RYR1: variants seen among roughly 807,000 people sequenced by gnomAD.
RYR1 encodes the protein central core disease of muscle.
RYR1 carries 342 observed loss-of-function variants against 583.5 expected under a neutral mutation model. That is an observed-to-expected ratio of 0.59 (90% CI 0.54 to 0.64). The LOEUF is 0.64. Ranked by LOEUF, RYR1 falls within the 30% of genes least tolerant of loss-of-function variation. The pLI is 0.00. For synonymous variants in RYR1, 2,791 were observed against 2,822.5 expected, an observed-to-expected ratio of 0.99 and a Z score of 0.35; for missense variants, 6,032 against 6,917.2, an observed-to-expected ratio of 0.87 and a Z score of 4.54.
At chr19:38,493,973 G>A (rs936701987) in intron 38 of RYR1, among the ~76,000 whole-genome samples, 4 of 152,134 alleles carry the variant, frequency 2.6e-5, no homozygotes, top group Non-Finnish European at 5.9e-5. Flanking sequence ...CTGGATATTA[G>A]GGTGAACAGA....
At chr19:38,518,680 G>A (rs537366108) in intron 66 of RYR1, among the ~76,000 whole-genome samples, 5 of 152,176 alleles carry the variant, frequency 3.3e-5, no homozygotes, top group Non-Finnish European at 1.5e-5. Context: ...TGTAATCCCA[G>A]CACTATGGGA....
At position 38,502,669 on chromosome 19, in the gene RYR1, C is replaced by G. The variant is rs756685891; in HGVS notation, c.7777C>G (p.Arg2593Gly). 3.7e-6 allele frequency: 6 copies of G among 1,610,328 alleles called. No homozygotes were observed. The highest frequency in any genetic ancestry group is 1.7e-5 in the Admixed American group (1 of 59,858). Residue 2593 changes from arginine to glycine, a missense_variant, in exon 48 of 106, where the codon CGT (arginine) becomes GGT (glycine). By Grantham distance (125) the Arg-to-Gly change is moderately radical. Around this residue, in one of 11 missense-constraint regions of RYR1, gnomAD observed 250 missense variants for 162.3 expected, o/e 1.54. Coordinates refer to ENST00000359596, the MANE Select transcript of RYR1 (RefSeq NM_000540.3). Reference sequence around the variant, plus strand: ...TACCGTGTACCGCCTGTCTCGGGGTCGTTCGCTCACCAAGGCGCAGCGTGA... The same window carrying G: ...TACCGTGTACCGCCTGTCTCGGGGTGGTTCGCTCACCAAGGCGCAGCGTGA... Reference protein sequence around the residue: ...LHTVYRLSRGRSLTKAQRDVI... With the variant: ...LHTVYRLSRGGSLTKAQRDVI...
rs148275452 is a variant in RYR1 at position 38,500,692 on chromosome 19, C to T, written c.7410C>T (p.Ile2470=). 18 of 1,614,036 alleles carry T rather than the reference C, an allele frequency of 1.1e-5. No homozygotes were observed. The highest frequency in any genetic ancestry group is 5.3e-5 in the African/African-American group (4 of 74,932). The change falls in exon 46 of 106, where the codon ATC becomes ATT. Residue 2470 remains isoleucine (I), a synonymous_variant. Transcript: ENST00000359596. This position sits in a 1 kb window ranked among gnomAD's most constrained non-coding sequence, Gnocchi z 5.9. Reference sequence around the variant, plus strand: ...CCTTGGAGGACCTTGTGGGCATCATCAGCCTCCCACTGCAGATTCCCACCC... The same window carrying T: ...CCTTGGAGGACCTTGTGGGCATCATTAGCCTCCCACTGCAGATTCCCACCC... ...LVPLEDLVGI[I]SLPLQIPTLG...
At chr19:38,538,005 G>A (rs1283295384) in intron 84 of RYR1, 45 bp downstream of exon 84, 1 of 1,585,456 alleles carries the variant, frequency 6.3e-7, no homozygotes, top group South Asian at 1.1e-5. Flanking sequence ...GAGGTTTGGG[G>A]CTGGTACGGA....
intron 84 of RYR1, among the ~76,000 whole-genome samples, chr19:38,539,314 C>T (rs1167978209): frequency 4.0e-5 from 6 of 149,224 alleles, no homozygotes; most frequent in South Asian, 4.2e-4. Context: ...GATCACAGCT[C>T]GCTGCAACCT....
chr19:38,501,005 C>T lies in RYR1; in HGVS notation c.7614+15C>T. On this transcript the variant is annotated intron_variant, in intron 47 of 105. Transcript: ENST00000359596. ...CGCTGGACACGGTGAGCAACCCTGC[C>T]CAGCCTGGCCACCCTCCCCACTTCC... 1 of 1,611,052 alleles carries T rather than the reference C, an allele frequency of 6.2e-7. No individual in the cohort carries two copies. Among genetic ancestry groups the T allele is most frequent in the Non-Finnish European group, 8.5e-7 (1 of 1,179,152 alleles).
rs1317113967 is a variant in RYR1, at chr19:38,565,148, G to C, written c.12814G>C (p.Ala4272Pro). The change falls in exon 91 of 106, where the codon GCG becomes CCG. Residue 4272 changes from alanine to proline, a missense_variant. Transcript: ENST00000359596. The surrounding 1 kb of genome is among the most constrained non-coding windows in gnomAD (Gnocchi z 4.7). The part of the protein sequence containing the change: ...DEGAGAAEAG[A>P]EGAEEGAAGL... ...GGGCGCGGGCGCGGCGGAGGCGGGC[G>C]CGGAAGGCGCGGAGGAGGGCGCGGC... 1 of 1,517,364 alleles carries C rather than the reference G, an allele frequency of 6.6e-7. No individual in the cohort carries two copies. The highest frequency in any genetic ancestry group is 1.4e-5 in the African/African-American group (1 of 72,070). 94.0% of individuals were successfully genotyped at this position (1,517,364 alleles called of 1,614,324 possible). A position where few individuals can be genotyped will look rare whatever the true frequency, so the allele number is the denominator to read the frequency against.
chr19:38,563,267 G>C (rs544699779), intron 90 of RYR1, among the ~76,000 whole-genome samples: 45 of 152,282 alleles, frequency 3.0e-4, no homozygotes, highest in African/African-American at 1.1e-3. Flanking sequence ...GTAACACTAC[G>C]GTGTTGTTGT....
chr19:38,576,042 T>C (rs1973944390), intron 97 of RYR1, 81 bp downstream of exon 97: 10 of 1,532,418 alleles, frequency 6.5e-6, no homozygotes, highest in Non-Finnish European at 9.0e-6. Context: ...AAGCACTTGC[T>C]TGGTGTGTGA....
In RYR1 at chr19:38,575,622, G is replaced by C. The variant is rs1435550194; in HGVS notation, c.14130-297G>C. Among the ~76,000 whole-genome samples, 5 of 152,170 alleles carry C rather than the reference G, an allele frequency of 3.3e-5. No individual in the cohort carries two copies. In the East Asian group the frequency reaches 9.7e-4, roughly 29 times the overall value. On this transcript the variant is annotated intron_variant, in intron 96 of 105. Coordinates refer to ENST00000359596, the MANE Select transcript of RYR1 (RefSeq NM_000540.3). The stretch of plus-strand genomic sequence containing the variant: ...GTTCAAGAACAGCCTGGCCAACATG[G>C]CAAAACCTCGTCTCTACTAAAAATA...
chr19:38,540,331 A>T (rs1420925690), intron 84 of RYR1, among the ~76,000 whole-genome samples: 2 of 151,562 alleles, frequency 1.3e-5, no homozygotes, highest in South Asian at 2.1e-4. Context: ...AAAAAATCAT[A>T]TACTACAGTA....
chr19:38,528,011 A>AATCTTGCATCTG, intron 73 of RYR1: 1 of 592,222 alleles, frequency 1.7e-6, no homozygotes, highest in Non-Finnish European at 3.0e-6. Flanking sequence ...CTTTAGGTCT[A>AATCTTGCATCTG]GGGGTGGGGC....
At chr19:38,436,644 A>G (rs138358113) in intron 1 of RYR1, among the ~76,000 whole-genome samples, 2 of 152,260 alleles carry the variant, frequency 1.3e-5, no homozygotes, top group Non-Finnish European at 2.9e-5. Context: ...CTGCTGATGG[A>G]CATTTGAGTC....
intron 93 of RYR1, among the ~76,000 whole-genome samples, chr19:38,569,598 C>T (rs6508808): frequency 0.16 from 24,907 of 151,632 alleles, 2,756 homozygotes; most frequent in African/African-American, 0.3. Context: ...GCAGGCAGGG[C>T]GACAGGTGGG....
rs773430054 is a variant in RYR1, at chr19:38,543,795, A to G, written c.11932A>G (p.Ser3978Gly). ...GGGTCCCTGCACCGGGAACCAGCAG[A>G]GCCTGGCGCACAGTCGCCTATGGGA... ...IQGPCTGNQQSLAHSRLWDAV... is the reference protein window; with the variant it reads ...IQGPCTGNQQGLAHSRLWDAV... The change falls in exon 87 of 106, where the codon AGC becomes GGC. Residue 3978 changes from serine (S) to glycine (G), a missense_variant. By Grantham distance (56) the Ser-to-Gly change is moderately conservative. This residue lies in a region of RYR1 where 82 missense variants were observed against 139.7 expected (regional missense o/e 0.59). Transcript: ENST00000359596. The surrounding 1 kb of genome is among the most constrained non-coding windows in gnomAD (Gnocchi z 4.4). 2 of 1,613,614 alleles carry G rather than the reference A, an allele frequency of 1.2e-6. No homozygotes were observed. Among genetic ancestry groups the G allele is most frequent in the Admixed American group, 1.7e-5 (1 of 60,002 alleles).
chr19:38,480,051 G>C (rs1472214041), intron 31 of RYR1, among the ~76,000 whole-genome samples: 6 of 151,934 alleles, frequency 3.9e-5, no homozygotes, highest in Admixed American at 6.6e-5. Flanking sequence ...AATTAAAAAC[G>C]TATACAAGAA....
At chr19:38,577,876 C>A (rs1202531483) in intron 97 of RYR1, 42 bp from the exon 98 acceptor site, 5 of 1,613,066 alleles carry the variant, frequency 3.1e-6, no homozygotes, top group Non-Finnish European at 4.2e-6. Flanking sequence ...CACACACCCA[C>A]ACTCCAGCTG....
intron 34 of RYR1, among the ~76,000 whole-genome samples, chr19:38,487,303 G>A (rs931250458): frequency 1.3e-5 from 2 of 151,914 alleles, no homozygotes; most frequent in South Asian, 2.1e-4. Context: ...CCTTTTATTC[G>A]TAGACCCATC....
intron 38 of RYR1, among the ~76,000 whole-genome samples, chr19:38,493,521 T>TC (rs2095860129): frequency 1.3e-5 from 2 of 150,242 alleles, no homozygotes; most frequent in African/African-American, 4.9e-5. Context: ...TTTTCGTTTT[T>TC]TTTTTTTTTT....
Sources: allele counts gnomAD v4.1 joint callset (sites outside exome capture counted in the v4.1 genomes callset), GRCh38; gene constraint gnomAD v4.1.1; regional missense constraint gnomAD v4.1.1; non-coding constraint Gnocchi (gnomAD v3.1); transcripts MANE v1.5; gene names NCBI Gene and HGNC (gene_info 2026-07-23, HGNC 2026-07-21).